Variants in TMEM132D observed in about 807,000 individuals in gnomAD.
TMEM132D encodes transmembrane protein 132D, also known as mature OL transmembrane protein.
TMEM132D carries 21 observed loss-of-function variants against 62.3 expected under a neutral mutation model. The observed-to-expected ratio is 0.34, with a 90% CI of 0.24 to 0.49. The LOEUF is 0.49. Ranked by LOEUF, TMEM132D falls within the 20% of genes least tolerant of loss-of-function variation. TMEM132D has a pLI of 0.99. For synonymous variants in TMEM132D, 621 were observed against 575.6 expected (o/e 1.08, Z -1.13); for missense variants, 1,346 against 1,402.8 (o/e 0.96, Z 0.65).
At chr12:129,591,611 T>G (rs147853821) in intron 2 of TMEM132D, among the ~76,000 whole-genome samples, 202 of 151,810 alleles carry the variant, frequency 1.3e-3, no homozygotes, top group Non-Finnish European at 2.3e-3. Flanking sequence ...TATTTATTTA[T>G]CAAGTGTTTA....
rs539406426 is a variant in TMEM132D, at chr12:129,730,819, G to A, written c.80-30121C>T. The stretch of plus-strand genomic sequence containing the variant: ...CTTTCTCCCGTGCTGGATGCTTCCT[G>A]CCCTCAAACATCAGACTCCAAGTTC... On this transcript the variant is annotated intron_variant, in intron 1 of 8. Coordinates refer to ENST00000422113, the MANE Select transcript of TMEM132D (RefSeq NM_133448.3). Among the ~76,000 whole-genome samples the A allele has an allele frequency of 3.3e-5, 5 of 152,046 alleles. No homozygotes were observed. In the South Asian group the frequency reaches 1.0e-3, roughly 32 times the overall value.
chr12:129,452,164 T>C (rs1441967871), intron 3 of TMEM132D, among the ~76,000 whole-genome samples: 2 of 152,236 alleles, frequency 1.3e-5, no homozygotes, highest in Admixed American at 6.5e-5. Context: ...TGGCCCACTT[T>C]ACAGAACAGT....
chr12:129,115,413 C>T (rs930665406), intron 5 of TMEM132D, among the ~76,000 whole-genome samples: 1 of 151,990 alleles, frequency 6.6e-6, no homozygotes, highest in African/African-American at 2.4e-5. Flanking sequence ...GGATGGAGGT[C>T]GGGTCTAGGG....
At chr12:129,680,933 G>A (rs1880761313) in intron 2 of TMEM132D, among the ~76,000 whole-genome samples, 1 of 152,208 alleles carries the variant, frequency 6.6e-6, no homozygotes, top group Non-Finnish European at 1.5e-5. Context: ...TTTGGCATGA[G>A]TAGGGACAGT....
intron 1 of TMEM132D, among the ~76,000 whole-genome samples, chr12:129,747,070 G>C (rs1214846757): frequency 7.3e-6 from 1 of 136,640 alleles, no homozygotes; most frequent in Non-Finnish European, 1.6e-5. Flanking sequence ...AGGTCAATCA[G>C]TTCGTGGAGC....
At chr12:129,622,979 G>T (rs1879114169) in intron 2 of TMEM132D, among the ~76,000 whole-genome samples, 1 of 152,142 alleles carries the variant, frequency 6.6e-6, no homozygotes, top group African/African-American at 2.4e-5. Context: ...CAGATACGAG[G>T]TAATGTAAGT....
At chr12:129,130,205 C>CA (rs1240286709) in intron 5 of TMEM132D, among the ~76,000 whole-genome samples, 3 of 152,074 alleles carry the variant, frequency 2.0e-5, no homozygotes, top group African/African-American at 7.2e-5. Flanking sequence ...TGACACCCTG[C>CA]AGGCAGCATG....
rs1875676933 is a variant in TMEM132D at position 129,516,416 on chromosome 12, T to C, written c.1115+14643A>G. ...ACAAAGAAAAAGAGGTTTAATGGAC[T>C]CACAGTTCCACGTGGCTGGGGAGGC... is the stretch of plus-strand genomic sequence containing the variant. On this transcript the variant is annotated intron_variant, in intron 3 of 8. Coordinates refer to ENST00000422113, the MANE Select transcript of TMEM132D (RefSeq NM_133448.3). Among the ~76,000 whole-genome samples, 4 of 152,308 alleles carry C rather than the reference T, an allele frequency of 2.6e-5. 1 individual carries two copies. In the South Asian group the frequency reaches 8.3e-4, roughly 32 times the overall value.
In TMEM132D at chr12:129,341,337, A is replaced by G. The variant is rs1461506379; in HGVS notation, c.1116-3520T>C. ...AGGAGATAAATACAGTTGGTTAAAGAGAAGTTTATAAAACATATCTGGTTA... is the reference window on the plus strand; with the variant it reads ...AGGAGATAAATACAGTTGGTTAAAGGGAAGTTTATAAAACATATCTGGTTA... On this transcript the variant is annotated intron_variant, in intron 3 of 8. Transcript: ENST00000422113. 1.3e-5 allele frequency among the ~76,000 whole-genome samples: 2 copies of G among 152,252 alleles called. 1 individual carries two copies. Among genetic ancestry groups the G allele is most frequent in the Admixed American group, 1.3e-4 (2 of 15,290 alleles).
intron 1 of TMEM132D, among the ~76,000 whole-genome samples, chr12:129,781,082 AT>A (rs1323370191): frequency 6.6e-6 from 1 of 152,248 alleles, no homozygotes; most frequent in African/African-American, 2.4e-5. Flanking sequence ...GAGTTATGCC[AT>A]CAAAAGCTTT....
At chr12:129,552,191 G>A (rs533011215) in intron 2 of TMEM132D, among the ~76,000 whole-genome samples, 4 of 152,174 alleles carry the variant, frequency 2.6e-5, no homozygotes, top group Non-Finnish European at 5.9e-5. Context: ...TACACTGTAT[G>A]TAGATCAGCA....
At chr12:129,747,463 T>C (rs145191758) in intron 1 of TMEM132D, among the ~76,000 whole-genome samples, 11 of 142,564 alleles carry the variant, frequency 7.7e-5, no homozygotes, top group Non-Finnish European at 1.5e-4. Flanking sequence ...CTCACACACA[T>C]TCAGACACAC....
At chr12:129,603,298 G>T (rs1050356909) in intron 2 of TMEM132D, among the ~76,000 whole-genome samples, 1 of 152,122 alleles carries the variant, frequency 6.6e-6, no homozygotes, top group African/African-American at 2.4e-5. Flanking sequence ...TCTGTGCTCT[G>T]CCCATCTCTC....
intron 5 of TMEM132D, among the ~76,000 whole-genome samples, chr12:129,153,710 G>T (rs1480495084): frequency 2.0e-5 from 3 of 152,060 alleles, no homozygotes; most frequent in African/African-American, 4.8e-5. Flanking sequence ...GTGGTTTGGG[G>T]TGCCTCCAGC....
chr12:129,830,527 C>T (rs1872798478), intron 1 of TMEM132D, among the ~76,000 whole-genome samples: 1 of 152,100 alleles, frequency 6.6e-6, no homozygotes, highest in South Asian at 2.1e-4. Flanking sequence ...AACCTGGAAG[C>T]CCCCTCCCTG....
intron 1 of TMEM132D, among the ~76,000 whole-genome samples, chr12:129,751,387 C>T (rs1156593858): frequency 1.3e-5 from 2 of 152,164 alleles, no homozygotes; most frequent in African/African-American, 4.8e-5. Flanking sequence ...GGTAAATCCA[C>T]CCTGTGATCT....
chr12:129,269,367 T>C (rs75214782), intron 4 of TMEM132D, among the ~76,000 whole-genome samples: 3,219 of 135,358 alleles, frequency 0.024, 122 homozygotes, highest in African/African-American at 0.077. Context: ...CTCCCTCCCT[T>C]CCTCCCTTCC....
chr12:129,464,824 G>T (rs1873827507), intron 3 of TMEM132D, among the ~76,000 whole-genome samples: 1 of 151,982 alleles, frequency 6.6e-6, no homozygotes, highest in Admixed American at 6.5e-5. Flanking sequence ...CTGTTCCATT[G>T]ATCTATATCT....
chr12:129,757,313 T>C (rs1182489657), intron 1 of TMEM132D, among the ~76,000 whole-genome samples: 1 of 152,202 alleles, frequency 6.6e-6, no homozygotes, highest in African/African-American at 2.4e-5. Flanking sequence ...TAACCCATTA[T>C]GAGATGTCTT....
Sources: gnomAD v4.1 joint callset for allele counts (sites outside exome capture counted in the v4.1 genomes callset) on GRCh38, gnomAD v4.1.1 for gene constraint, MANE v1.5 for transcripts, NCBI Gene and HGNC (gene_info 2026-07-23, HGNC 2026-07-21) for gene names.